The following EPHB1 variants were observed in gnomAD, a reference collection of about 807,000 sequenced individuals.
EPHB1 encodes EPH receptor B1, also known as ephrin type-B receptor 1.
In EPHB1, 30 loss-of-function variants were observed where a neutral mutation model predicts 94.4. The observed-to-expected ratio is 0.32, with a 90% CI of 0.24 to 0.43. The LOEUF (loss-of-function observed/expected upper bound fraction) is 0.43, where lower values mean the gene tolerates loss of function less well. Ranked by LOEUF, EPHB1 falls within the 20% of genes least tolerant of loss-of-function variation. EPHB1 has a pLI of 1.00. For missense variants in EPHB1, 1,055 were observed against 1,308.3 expected, an observed-to-expected ratio of 0.81 and a Z score of 2.99; for synonymous variants, 522 against 489.1, an observed-to-expected ratio of 1.07 and a Z score of -0.89.
At chr3:134,899,091 G>T (rs187819698) in intron 1 of EPHB1, among the ~76,000 whole-genome samples, 1 of 152,140 alleles carries the variant, frequency 6.6e-6, no homozygotes, top group Admixed American at 6.5e-5. Flanking sequence ...TATTTTCCCA[G>T]TGTGCTGGAC....
intron 1 of EPHB1, among the ~76,000 whole-genome samples, chr3:134,912,055 C>T (rs944432173): frequency 5.3e-5 from 8 of 152,192 alleles, no homozygotes; most frequent in Admixed American, 2.0e-4. Context: ...TTCTGATTAA[C>T]GAGCCTGGGC....
intron 1 of EPHB1, among the ~76,000 whole-genome samples, chr3:134,804,025 C>T (rs541730835): frequency 5.4e-5 from 8 of 148,292 alleles, no homozygotes; most frequent in African/African-American, 2.0e-4. Context: ...ATTGCCTTTC[C>T]CATGTGCCCC....
chr3:135,009,058 G>A (rs982897869), intron 3 of EPHB1, among the ~76,000 whole-genome samples: 12 of 152,148 alleles, frequency 7.9e-5, no homozygotes, highest in African/African-American at 2.7e-4. Context: ...GGAAGGAAAG[G>A]AACAGCATAA....
chr3:134,860,343 C>T (rs975662391), intron 1 of EPHB1, among the ~76,000 whole-genome samples: 1 of 152,138 alleles, frequency 6.6e-6, no homozygotes, highest in Non-Finnish European at 1.5e-5. Flanking sequence ...CCAACTGCTT[C>T]GTCTGGTACC....
chr3:135,185,060 CAGA>C (rs1474880402), intron 10 of EPHB1, among the ~76,000 whole-genome samples: 3 of 152,206 alleles, frequency 2.0e-5, no homozygotes, highest in African/African-American at 7.2e-5. Flanking sequence ...AAGTTGTTGG[CAGA>C]AGAAGACATG....
intron 5 of EPHB1, 68 bp from the exon 6 acceptor site, chr3:135,154,084 C>T: frequency 6.2e-7 from 1 of 1,600,200 alleles, no homozygotes. Context: ...CTACGTACCT[C>T]TGGAAGATGG....
chr3:135,255,696 T>C (rs985566163), intron 15 of EPHB1, among the ~76,000 whole-genome samples: 6 of 151,434 alleles, frequency 4.0e-5, no homozygotes, highest in Non-Finnish European at 8.8e-5. Flanking sequence ...TTTATTCTGT[T>C]GACTTGGGGT....
chr3:134,908,284 G>C (rs1395128594), intron 1 of EPHB1, among the ~76,000 whole-genome samples: 1 of 152,160 alleles, frequency 6.6e-6, no homozygotes. Flanking sequence ...AAACATGAGG[G>C]CTGGGGCCAT....
At chr3:135,091,289 T>C (rs1273063743) in intron 3 of EPHB1, among the ~76,000 whole-genome samples, 1 of 152,182 alleles carries the variant, frequency 6.6e-6, no homozygotes, top group Non-Finnish European at 1.5e-5. Flanking sequence ...TCTGGGCAGG[T>C]GGAGCAGACA....
At chr3:135,080,513 G>T (rs939061991) in intron 3 of EPHB1, among the ~76,000 whole-genome samples, 1 of 152,178 alleles carries the variant, frequency 6.6e-6, no homozygotes, top group Non-Finnish European at 1.5e-5. Flanking sequence ...GTGGGGCAAA[G>T]GTAGCATCGT....
chr3:135,014,634 G>T (rs1935732216), intron 3 of EPHB1, among the ~76,000 whole-genome samples: 1 of 152,238 alleles, frequency 6.6e-6, no homozygotes, highest in Non-Finnish European at 1.5e-5. Flanking sequence ...ATGTGTCCTT[G>T]TGGGGCTGCA....
intron 3 of EPHB1, among the ~76,000 whole-genome samples, chr3:135,066,103 T>G: frequency 6.6e-6 from 1 of 152,198 alleles, no homozygotes; most frequent in Admixed American, 6.5e-5. Context: ...ATAGCTTACC[T>G]GGTGCTTTTG....
chr3:135,062,124 C>T (rs1209389662), intron 3 of EPHB1, among the ~76,000 whole-genome samples: 1 of 152,180 alleles, frequency 6.6e-6, no homozygotes, highest in Non-Finnish European at 1.5e-5. Context: ...CATATCTTTG[C>T]AATTGTGAAT....
intron 12 of EPHB1, among the ~76,000 whole-genome samples, chr3:135,238,750 A>T (rs770076674): frequency 7.9e-5 from 12 of 151,750 alleles, no homozygotes; most frequent in East Asian, 3.9e-4. Context: ...TCTCTCTCTC[A>T]CACACACACA....
At chr3:134,826,008 G>A (rs562787789) in intron 1 of EPHB1, among the ~76,000 whole-genome samples, 16 of 151,598 alleles carry the variant, frequency 1.1e-4, no homozygotes, top group Admixed American at 8.5e-4. Context: ...TTGGGAGGCT[G>A]AGGCAGGTGG....
intron 3 of EPHB1, among the ~76,000 whole-genome samples, chr3:135,039,766 G>T (rs1048674497): frequency 6.6e-6 from 1 of 152,204 alleles, no homozygotes; most frequent in Non-Finnish European, 1.5e-5. Context: ...ACTCAAGCTG[G>T]CCCGCAAGCG....
intron 1 of EPHB1, among the ~76,000 whole-genome samples, chr3:134,818,990 G>A (rs1221275478): frequency 6.6e-6 from 1 of 152,226 alleles, no homozygotes; most frequent in East Asian, 1.9e-4. Context: ...GAAACAGGAG[G>A]TGGAGGCAGG....
chr3:135,220,093 T>G (rs1305994527), intron 12 of EPHB1, among the ~76,000 whole-genome samples: 1 of 152,178 alleles, frequency 6.6e-6, no homozygotes, highest in Non-Finnish European at 1.5e-5. Flanking sequence ...CACATTATAC[T>G]TCCTATGGGA....
At position 135,240,727 on chromosome 3, in the gene EPHB1, T is replaced by A. The variant is rs536766817; in HGVS notation, c.2347-421T>A. Among the ~76,000 whole-genome samples, 3 of 152,330 alleles carry A rather than the reference T, an allele frequency of 2.0e-5. No individual in the cohort carries two copies. In the East Asian group the frequency reaches 5.8e-4, roughly 29 times the overall value. On this transcript the variant is annotated intron_variant, in intron 12 of 15. Transcript: ENST00000398015. Reference sequence around the variant, plus strand: ...GCTTCATCACTCTTCTTTCCTTTTGTACCATTGCAATTCCTTCTGACCCAA... The same window carrying A: ...GCTTCATCACTCTTCTTTCCTTTTGAACCATTGCAATTCCTTCTGACCCAA...
Sources: allele counts gnomAD v4.1 joint callset (sites outside exome capture counted in the v4.1 genomes callset), GRCh38; gene constraint gnomAD v4.1.1; transcripts MANE v1.5; gene names NCBI Gene and HGNC (gene_info 2026-07-23, HGNC 2026-07-21).